PTPRM: variants seen among roughly 807,000 people sequenced by gnomAD.
PTPRM encodes the protein receptor-type tyrosine-protein phosphatase mu.
A neutral mutation model predicts 186.7 loss-of-function variants in PTPRM; 47 were observed. That is an observed-to-expected ratio of 0.25 (90% CI 0.20 to 0.32). The LOEUF is 0.32. Among genes scored for constraint, PTPRM ranks in the 10% least tolerant of loss-of-function variants. The pLI, the probability that PTPRM is intolerant of heterozygous loss-of-function variation, is 1.00. For missense variants in PTPRM, 1,494 were observed against 1,865.0 expected (o/e 0.80, Z 3.66); for synonymous variants, 668 against 674.9 (o/e 0.99, Z 0.16).
rs557697607 is a variant in PTPRM, at chr18:8,088,316, T to C, written c.1754-433T>C. Among the ~76,000 whole-genome samples, 9 of 152,294 alleles carry C rather than the reference T, an allele frequency of 5.9e-5. No individual in the cohort carries two copies. The South Asian group carries it at 1.2e-3, about 21-fold the overall frequency. On this transcript the variant is annotated intron_variant, in intron 10 of 32. Coordinates refer to ENST00000580170, the MANE Select transcript of PTPRM (RefSeq NM_001105244.2). ...GAGTCTGGTACATGAAAAACCTTGA[T>C]TTAGATGGAATAACTATAAAGTCCA... is the stretch of plus-strand genomic sequence containing the variant.
At chr18:7,585,551 C>T (rs1407431998) in intron 1 of PTPRM, among the ~76,000 whole-genome samples, 2 of 152,168 alleles carry the variant, frequency 1.3e-5, no homozygotes, top group African/African-American at 2.4e-5. Flanking sequence ...GGGGAAGATT[C>T]ATGACTCAAA....
chr18:7,963,387 A>G (rs535833077), intron 7 of PTPRM, among the ~76,000 whole-genome samples: 3 of 152,312 alleles, frequency 2.0e-5, no homozygotes, highest in Admixed American at 6.5e-5. Flanking sequence ...TGCTGGAGCA[A>G]TTCTGCATGA....
intron 1 of PTPRM, among the ~76,000 whole-genome samples, chr18:7,671,268 C>A (rs1213667028): frequency 6.6e-6 from 1 of 152,170 alleles, no homozygotes; most frequent in African/African-American, 2.4e-5. Context: ...TTGTGTGGAA[C>A]TGAATTTAAA....
At chr18:7,968,953 G>A (rs1255396335) in intron 7 of PTPRM, among the ~76,000 whole-genome samples, 10 of 65,504 alleles carry the variant, frequency 1.5e-4, no homozygotes, top group Non-Finnish European at 2.4e-4. Context: ...TGCACCAAGC[G>A]GACCTAATAG....
At chr18:8,015,271 TACTG>T (rs1457276287) in intron 7 of PTPRM, among the ~76,000 whole-genome samples, 2 of 152,218 alleles carry the variant, frequency 1.3e-5, no homozygotes, top group Non-Finnish European at 2.9e-5. Context: ...CTAGAAGCCT[TACTG>T]ATAACAGAAA....
chr18:8,207,174 T>C (rs904734387), intron 14 of PTPRM, among the ~76,000 whole-genome samples: 3 of 152,142 alleles, frequency 2.0e-5, no homozygotes, highest in Non-Finnish European at 4.4e-5. Flanking sequence ...GCCGAGGTCA[T>C]GGGTGGATAT....
rs73395424 is a variant in PTPRM, at chr18:7,803,892, T to C, written c.196+29621T>C. On this transcript the variant is annotated intron_variant, in intron 2 of 32. Transcript: ENST00000580170. ...TCGGAGCTTAACCCGAAATCTGAGA[T>C]AGTAAAGAAAAAAAAGAATGTCTGT... is the stretch of plus-strand genomic sequence containing the variant. Among the ~76,000 whole-genome samples the C allele has an allele frequency of 4.5e-3, 678 of 152,016 alleles. 8 individuals are homozygous for C. Among genetic ancestry groups the C allele is most frequent in the African/African-American group, 0.016 (643 of 41,476 alleles).
chr18:7,719,551 AT>A (rs1407845347), intron 1 of PTPRM, among the ~76,000 whole-genome samples: 7 of 152,222 alleles, frequency 4.6e-5, no homozygotes, highest in Non-Finnish European at 7.3e-5. Flanking sequence ...TACAAAAAAA[AT>A]AAAAAATAAA....
At chr18:8,390,565 C>G (rs1288770317) in intron 31 of PTPRM, among the ~76,000 whole-genome samples, 2 of 152,132 alleles carry the variant, frequency 1.3e-5, no homozygotes. Flanking sequence ...TACTGCAAGC[C>G]AGTAGGAAAA....
chr18:8,056,923 C>A (rs1045952971), intron 7 of PTPRM, among the ~76,000 whole-genome samples: 1 of 151,974 alleles, frequency 6.6e-6, no homozygotes, highest in Admixed American at 6.6e-5. Context: ...GCTCATAGCA[C>A]TGCTTGTAGT....
At chr18:8,185,857 A>C (rs2093634813) in intron 14 of PTPRM, among the ~76,000 whole-genome samples, 1 of 152,210 alleles carries the variant, frequency 6.6e-6, no homozygotes, top group African/African-American at 2.4e-5. Flanking sequence ...CATAGGTACT[A>C]TGTTAACGTA....
chr18:8,236,949 T>A (rs2094352323), intron 14 of PTPRM, among the ~76,000 whole-genome samples: 1 of 152,254 alleles, frequency 6.6e-6, no homozygotes, highest in African/African-American at 2.4e-5. Context: ...TCTTTGTTCC[T>A]GTTCTTTTAC....
chr18:8,186,832 A>T (rs902319844), intron 14 of PTPRM, among the ~76,000 whole-genome samples: 1 of 152,204 alleles, frequency 6.6e-6, no homozygotes. Flanking sequence ...ATTTAAATGT[A>T]CAAATGCACT....
intron 24 of PTPRM, among the ~76,000 whole-genome samples, chr18:8,371,604 T>C (rs2095663034): frequency 1.3e-5 from 2 of 152,174 alleles, no homozygotes; most frequent in African/African-American, 4.8e-5. Context: ...CCCATACTGG[T>C]TTTCCCCTTT....
At chr18:7,616,686 T>G (rs973335680) in intron 1 of PTPRM, among the ~76,000 whole-genome samples, 3 of 152,184 alleles carry the variant, frequency 2.0e-5, no homozygotes, top group Non-Finnish European at 4.4e-5. Flanking sequence ...CTGGCTTGGT[T>G]TCCTGGAAGA....
At chr18:8,211,377 C>CTTTTTTTTTTTTTTTTTTTTTTTTT (rs970926126) in intron 14 of PTPRM, among the ~76,000 whole-genome samples, 27 of 87,232 alleles carry the variant, frequency 3.1e-4, no homozygotes, top group Non-Finnish European at 4.0e-4. Context: ...GTCTCTTCTT[C>CTTTTTTTTTTTTTTTTTTTTTTTTT]TTTTTTTTTT....
intron 1 of PTPRM, among the ~76,000 whole-genome samples, chr18:7,607,885 G>T (rs116153802): frequency 3.9e-5 from 6 of 152,208 alleles, no homozygotes; most frequent in Non-Finnish European, 5.9e-5. Context: ...ATTTAATCCC[G>T]AATGGTGTAG....
chr18:7,635,230 T>C (rs1249178887), intron 1 of PTPRM, among the ~76,000 whole-genome samples: 1 of 152,192 alleles, frequency 6.6e-6, no homozygotes, highest in African/African-American at 2.4e-5. Context: ...GAAAATGGAC[T>C]TACATTTATT....
At chr18:7,672,637 G>T (rs995355729) in intron 1 of PTPRM, among the ~76,000 whole-genome samples, 18 of 152,166 alleles carry the variant, frequency 1.2e-4, no homozygotes, top group African/African-American at 4.1e-4. Context: ...CTAATTTGAG[G>T]CAGGGTATAG....
Sources: gnomAD v4.1 joint callset for allele counts (sites outside exome capture counted in the v4.1 genomes callset) on GRCh38, gnomAD v4.1.1 for gene constraint, MANE v1.5 for transcripts, NCBI Gene and HGNC (gene_info 2026-07-23, HGNC 2026-07-21) for gene names.